The following TNPO2 variants were observed in gnomAD, a reference collection of about 807,000 sequenced individuals.
TNPO2 encodes the protein transportin-2.
A neutral mutation model predicts 111.1 loss-of-function variants in TNPO2; 16 were observed. The observed-to-expected ratio is 0.14, with a 90% CI of 0.10 to 0.22. The LOEUF (loss-of-function observed/expected upper bound fraction) is 0.22. TNPO2 is among the 10% of genes least tolerant of loss of function. TNPO2 has a pLI of 1.00. For missense variants in TNPO2, 530 were observed against 1,173.7 expected (o/e 0.45, Z 8.01); for synonymous variants, 481 against 475.8 (o/e 1.01, Z -0.14).
At chr19:12,703,584 C>A in intron 19 of TNPO2, 58 bp from the exon 20 acceptor site, 1 of 1,589,488 alleles carries the variant, frequency 6.3e-7, no homozygotes, top group East Asian at 2.2e-5. Flanking sequence ...AGCTGCAGGA[C>A]CTAGTCCAGC....
At position 12,715,867 on chromosome 19, in the gene TNPO2, T is replaced by G; in HGVS notation, c.326-128A>C. On this transcript the variant is annotated intron_variant, in intron 5 of 25. Transcript: ENST00000425528. The surrounding 1 kb of genome is among the most constrained non-coding windows in gnomAD (Gnocchi z 7.1). ...CCATGTACGCCCTCTACATCCCCCC[T>G]CCTTTTTTTTTTCTTTGTAAGAGAT... The G allele has an allele frequency of 1.5e-6, 1 of 688,202 alleles. No homozygotes were observed. The highest frequency in any genetic ancestry group is 2.4e-6 in the Non-Finnish European group (1 of 415,390). 42.6% of individuals were successfully genotyped at this position (688,202 alleles called of 1,614,324 possible). A position where few individuals can be genotyped will look rare whatever the true frequency, so the allele number is the denominator to read the frequency against.
At chr19:12,708,947 A>C (rs1045215050) in intron 13 of TNPO2, among the ~76,000 whole-genome samples, 9 of 151,734 alleles carry the variant, frequency 5.9e-5, no homozygotes, top group Non-Finnish European at 1.3e-4. Context: ...AGGCAGGAGA[A>C]TTGCTTGAAC....
intron 13 of TNPO2, among the ~76,000 whole-genome samples, chr19:12,707,310 T>C (rs2025742446): frequency 6.6e-6 from 1 of 152,118 alleles, no homozygotes; most frequent in South Asian, 2.1e-4. Context: ...GAGCTCCGTG[T>C]TATTGCGTTA....
intron 10 of TNPO2, 90 bp downstream of exon 10, chr19:12,714,729 TGA>T: frequency 2.0e-6 from 2 of 977,888 alleles, no homozygotes; most frequent in Admixed American, 1.9e-5. Flanking sequence ...GGATGTGGAC[TGA>T]GAGAAGCACA....
chr19:12,720,301 G>T (rs1348544693), intron 3 of TNPO2, among the ~76,000 whole-genome samples: 3 of 151,950 alleles, frequency 2.0e-5, no homozygotes, highest in African/African-American at 2.4e-5. Context: ...TTGCAGGCGT[G>T]AACCACCGCG....
chr19:12,701,821 G>A lies in TNPO2; in HGVS notation c.2442C>T (p.Asn814=), dbSNP rs542037928. The part of the protein sequence containing the change: ...WCTSLRNIRD[N]EEKDSAFRGI... ...CGCGGAAGGCTGAGTCCTTCTCCTC[G>A]TTGTCCCTGATGTTCCTGAGGGACG... The change falls in exon 23 of 26, where the codon AAC becomes AAT. Residue 814 remains asparagine, a synonymous_variant. Coordinates refer to ENST00000425528, the MANE Select transcript of TNPO2 (RefSeq NM_001382241.1). This position sits in a 1 kb window ranked among gnomAD's most constrained non-coding sequence, Gnocchi z 5.0. 83 of 1,613,666 alleles carry A rather than the reference G, an allele frequency of 5.1e-5. 1 individual carries two copies. In the Middle Eastern group the frequency reaches 2.8e-3, roughly 55 times the overall value.
At chr19:12,708,456 C>T (rs1463120551) in intron 13 of TNPO2, among the ~76,000 whole-genome samples, 1 of 148,694 alleles carries the variant, frequency 6.7e-6, no homozygotes, top group African/African-American at 2.5e-5. Flanking sequence ...TAAAATATCA[C>T]GAACTCTGCT....
chr19:12,723,047 C>A (rs1475632903), intron 2 of TNPO2, among the ~76,000 whole-genome samples: 3 of 152,110 alleles, frequency 2.0e-5, no homozygotes, highest in African/African-American at 7.2e-5. Flanking sequence ...ACCCCAGAGA[C>A]AAAGGAAAGA....
rs1268259914 is a variant in TNPO2, at chr19:12,714,945, G to A, written c.772-6C>T. The A allele has an allele frequency of 2.5e-6, 4 of 1,607,388 alleles. No homozygotes were observed. Among genetic ancestry groups the A allele is most frequent in the Non-Finnish European group, 3.4e-6 (4 of 1,177,164 alleles). On this transcript the variant is annotated splice_polypyrimidine_tract_variant and splice_region_variant and intron_variant, in intron 9 of 25. Transcript: ENST00000425528. ...TGGGTCCTCTGCAGCATGTACTGTG[G>A]TAGGGGGGAGAAGCTGAGGCCTGGC...
Position 12,701,110 on chromosome 19 carries a change from G to C in TNPO2, c.*154C>G. On this transcript the variant is annotated 3_prime_UTR_variant, in exon 26 of 26. Transcript: ENST00000425528. This position sits in a 1 kb window ranked among gnomAD's most constrained non-coding sequence, Gnocchi z 5.0. Reference sequence around the variant, plus strand: ...AGGGCAAGTGGACGGATGGACGGACGGACGGACGGACGGGGAAGGCATCTG... The same window carrying C: ...AGGGCAAGTGGACGGATGGACGGACCGACGGACGGACGGGGAAGGCATCTG... 1 of 465,898 alleles carries C rather than the reference G, an allele frequency of 2.1e-6. No individual in the cohort carries two copies. The highest frequency in any genetic ancestry group is 3.5e-5 in the East Asian group (1 of 28,302). The allele number at this position is 465,898 out of a possible 1,614,324, so 28.9% of individuals were successfully genotyped here.
rs781741763 is a variant in TNPO2, at chr19:12,706,533, G to C, written c.1496+37C>G. 2 of 1,607,014 alleles carry C rather than the reference G, an allele frequency of 1.2e-6. No homozygotes were observed. The highest frequency in any genetic ancestry group is 4.5e-5 in the East Asian group (2 of 44,856). The stretch of plus-strand genomic sequence containing the variant: ...ATCACTTCCCAGAGGGTGGCCGGGG[G>C]AGAGTGGGGGCTGTGGGATCAGGGG... On this transcript the variant is annotated intron_variant, in intron 14 of 25. Coordinates refer to ENST00000425528, the MANE Select transcript of TNPO2 (RefSeq NM_001382241.1). This position sits in a 1 kb window ranked among gnomAD's most constrained non-coding sequence, Gnocchi z 7.0.
chr19:12,700,288 G>GC lies in TNPO2; in HGVS notation c.*975_*976insG, dbSNP rs5827160. ...CTGGGGCCTGAAACGTGAGAAGGGGGTTTCAGAAGCACAGAGAAACGGACT... is the reference window on the plus strand; with the variant it reads ...CTGGGGCCTGAAACGTGAGAAGGGGGCTTTCAGAAGCACAGAGAAACGGACT... On this transcript the variant is annotated 3_prime_UTR_variant, in exon 26 of 26. Coordinates refer to ENST00000425528, the MANE Select transcript of TNPO2 (RefSeq NM_001382241.1). The GC allele has an allele frequency of 0.41, 61,601 of 151,998 alleles. 13,479 individuals are homozygous for GC. Among genetic ancestry groups the GC allele is most frequent in the African/African-American group, 0.56 (23,048 of 41,404 alleles). 9.4% of individuals were successfully genotyped at this position (151,998 alleles called of 1,614,324 possible).
chr19:12,705,937 A>G lies in TNPO2; in HGVS notation c.1669-169T>C. On this transcript the variant is annotated intron_variant, in intron 15 of 25. Transcript: ENST00000425528. This position sits in a 1 kb window ranked among gnomAD's most constrained non-coding sequence, Gnocchi z 7.2. Reference sequence around the variant, plus strand: ...GGCCTTCATTCTTCTCACCTGTCCAAGCACCGCCCGCCCCACCCCACCCCC... The same window carrying G: ...GGCCTTCATTCTTCTCACCTGTCCAGGCACCGCCCGCCCCACCCCACCCCC... 1 of 685,886 alleles carries G rather than the reference A, an allele frequency of 1.5e-6. No homozygotes were observed. The allele number at this position is 685,886 out of a possible 1,614,324, so 42.5% of individuals were successfully genotyped here.
Position 12,714,862 on chromosome 19 carries a change from C to T in TNPO2, c.849G>A (p.Glu283=). 6.2e-7 allele frequency: 1 copy of T among 1,613,848 alleles called. No individual in the cohort carries two copies. Among genetic ancestry groups the T allele is most frequent in the Non-Finnish European group, 8.5e-7 (1 of 1,179,816 alleles). The change falls in exon 10 of 26, where the codon GAG becomes GAA. Residue 283 remains glutamate, a synonymous_variant. Transcript: ENST00000425528. ...EACEFWLTLA[E]QPICKEVLAS... ...CCAGGACTTCCTTGCAGATGGGCTG[C>T]TCGGCCAGCGTCAGCCAGAACTCAC...
chr19:12,718,495 G>A (rs987394728), intron 5 of TNPO2, among the ~76,000 whole-genome samples: 8 of 151,960 alleles, frequency 5.3e-5, no homozygotes, highest in East Asian at 1.9e-4. Flanking sequence ...AAGTAGAGAC[G>A]GGGTTTCACC....
intron 5 of TNPO2, among the ~76,000 whole-genome samples, chr19:12,717,974 A>C (rs1201292073): frequency 1.3e-5 from 2 of 151,896 alleles, no homozygotes; most frequent in Non-Finnish European, 2.9e-5. Flanking sequence ...GAGTTACCAC[A>C]CCCAGCCAGA....
At position 12,706,328 on chromosome 19, in the gene TNPO2, C is replaced by T. The variant is rs1305508476; in HGVS notation, c.1536G>A (p.Leu512=). 6.2e-7 allele frequency: 1 copy of T among 1,614,060 alleles called. No homozygotes were observed. ...CCAGGATGTAGCTGAGGTAGGGCAC[C>T]AGCTCCGTGCAGGCCTCTTCCTCCA... ...ATLEEEACTE[L]VPYLSYILDT... Residue 512 remains leucine (L), a synonymous_variant, in exon 15 of 26, where the codon CTG becomes CTA. Transcript: ENST00000425528. The surrounding 1 kb of genome is among the most constrained non-coding windows in gnomAD (Gnocchi z 7.0).
intron 10 of TNPO2, among the ~76,000 whole-genome samples, chr19:12,712,973 G>A (rs2026149755): frequency 6.6e-6 from 1 of 152,030 alleles, no homozygotes; most frequent in Non-Finnish European, 1.5e-5. Flanking sequence ...ACAGCCTCAT[G>A]CTCCTGGGCT....
In TNPO2 at chr19:12,715,209, C is replaced by T; in HGVS notation, c.648+34G>A. 6.2e-7 allele frequency: 1 copy of T among 1,613,816 alleles called. No individual in the cohort carries two copies. The highest frequency in any genetic ancestry group is 8.5e-7 in the Non-Finnish European group (1 of 1,179,826). On this transcript the variant is annotated intron_variant, in intron 8 of 25. Coordinates refer to ENST00000425528, the MANE Select transcript of TNPO2 (RefSeq NM_001382241.1). This position sits in a 1 kb window ranked among gnomAD's most constrained non-coding sequence, Gnocchi z 7.1. Reference sequence around the variant, plus strand: ...AGGGTCAGTTGTAGGGGCCCTCAGTCCTCGCCCTGCCCACCCCCAGCCCAG... The same window carrying T: ...AGGGTCAGTTGTAGGGGCCCTCAGTTCTCGCCCTGCCCACCCCCAGCCCAG...
Sources: gnomAD v4.1 joint callset for allele counts (sites outside exome capture counted in the v4.1 genomes callset) on GRCh38, gnomAD v4.1.1 for gene constraint, Gnocchi (gnomAD v3.1) non-coding constraint, MANE v1.5 for transcripts, NCBI Gene and HGNC (gene_info 2026-07-23, HGNC 2026-07-21) for gene names.